The following TNC variants were observed in gnomAD, a reference collection of about 807,000 sequenced individuals.
TNC encodes tenascin.
In TNC, 109 loss-of-function variants were observed where a neutral mutation model predicts 202.4. The observed-to-expected ratio is 0.54, with a 90% CI of 0.46 to 0.63. The LOEUF (loss-of-function observed/expected upper bound fraction) is 0.63. Among genes scored for constraint, TNC ranks in the 30% least tolerant of loss-of-function variants. TNC has a pLI of 0.00. For synonymous variants in TNC, 1,007 were observed against 1,089.7 expected, an observed-to-expected ratio of 0.92 and a Z score of 1.50; for missense variants, 2,756 against 2,833.3, an observed-to-expected ratio of 0.97 and a Z score of 0.62.
chr9:115,036,156 T>G lies in TNC; in HGVS notation c.5598A>C (p.Arg1866Ser), dbSNP rs1238346407. ...TCTGGGGCCCTTTCTCTGCAAAGAT[T>G]CTCAGTGTGTATTCCGTGGCAGGCT... is the stretch of plus-strand genomic sequence containing the variant. Reference protein sequence around the residue: ...DLEPATEYTLRIFAEKGPQKS... With the variant: ...DLEPATEYTLSIFAEKGPQKS... The change falls in exon 21 of 28, where the codon AGA becomes AGC. Residue 1866 changes from arginine (R) to serine (S), a missense_variant. Arg to Ser is a moderately radical substitution (Grantham distance 110). This residue lies in a region of TNC where 2,559 missense variants were observed against 2,546.0 expected (regional missense o/e 1.01). Coordinates refer to ENST00000350763, the MANE Select transcript of TNC (RefSeq NM_002160.4). The G allele has an allele frequency of 6.2e-7, 1 of 1,614,172 alleles. No homozygotes were observed. Among genetic ancestry groups the G allele is most frequent in the Non-Finnish European group, 8.5e-7 (1 of 1,180,010 alleles).
At chr9:115,067,886 GA>G (rs1225416328) in intron 10 of TNC, among the ~76,000 whole-genome samples, 2 of 151,456 alleles carry the variant, frequency 1.3e-5, no homozygotes, top group African/African-American at 2.4e-5. Flanking sequence ...TTATAACTCA[GA>G]GAGGCAGTAC....
At chr9:115,099,748 A>T (rs1459108896) in intron 1 of TNC, among the ~76,000 whole-genome samples, 1 of 152,214 alleles carries the variant, frequency 6.6e-6, no homozygotes, top group Admixed American at 6.5e-5. Flanking sequence ...GTATTATATG[A>T]TTATTCTGTC....
chr9:115,100,744 C>T (rs1390430672), intron 1 of TNC, among the ~76,000 whole-genome samples: 1 of 152,064 alleles, frequency 6.6e-6, no homozygotes, highest in Non-Finnish European at 1.5e-5. Flanking sequence ...ATCATTGACA[C>T]ACAGAGGTAA....
chr9:115,082,816 A>T lies in TNC; in HGVS notation c.2132-9T>A. 2 of 1,592,228 alleles carry T rather than the reference A, an allele frequency of 1.3e-6. No homozygotes were observed. Among genetic ancestry groups the T allele is most frequent in the Non-Finnish European group, 1.7e-6 (2 of 1,160,092 alleles). ...TTCAGGTGCAGGTAAGTCTGTAAGT[A>T]ACAACATAAATAGAACGTAAGGATA... On this transcript the variant is annotated splice_polypyrimidine_tract_variant and intron_variant, in intron 4 of 27. Transcript: ENST00000350763.
At chr9:115,111,642 C>T (rs1360871071) in intron 1 of TNC, among the ~76,000 whole-genome samples, 6 of 151,910 alleles carry the variant, frequency 3.9e-5, no homozygotes, top group Non-Finnish European at 5.9e-5. Flanking sequence ...AACTCCTAAC[C>T]TCAAGTGATC....
Position 115,036,144 on chromosome 9 carries a change from C to T in TNC, c.5610G>A (p.Glu1870=). The change falls in exon 21 of 28, where the codon GAG becomes GAA. Residue 1870 remains glutamate, a synonymous_variant. Transcript: ENST00000350763. ...TGGTTGAGCTCTTCTGGGGCCCTTT[C>T]TCTGCAAAGATTCTCAGTGTGTATT... The part of the protein sequence containing the change: ...ATEYTLRIFA[E]KGPQKSSTIT... 1 of 1,614,172 alleles carries T rather than the reference C, an allele frequency of 6.2e-7. No individual in the cohort carries two copies. Among genetic ancestry groups the T allele is most frequent in the Non-Finnish European group, 8.5e-7 (1 of 1,180,022 alleles).
chr9:115,029,314 G>A, intron 25 of TNC, 46 bp downstream of exon 25: 10 of 1,567,148 alleles, frequency 6.4e-6, no homozygotes, highest in Non-Finnish European at 7.0e-6. Flanking sequence ...GTGACAAGGA[G>A]GGCAGAATCA....
rs1469089375 is a variant in TNC, at chr9:115,086,830, A to T, written c.901T>A (p.Cys301Ser). 1 of 1,614,168 alleles carries T rather than the reference A, an allele frequency of 6.2e-7. No individual in the cohort carries two copies. Among genetic ancestry groups the T allele is most frequent in the Admixed American group, 1.7e-5 (1 of 60,022 alleles). Reference sequence around the variant, plus strand: ...TCTTCGCCCGTGAAACCCTCATCACACACGCACTCATTCTCCACGCATCGT... The same window carrying T: ...TCTTCGCCCGTGAAACCCTCATCACTCACGCACTCATTCTCCACGCATCGT... ...RGRCVENECVCDEGFTGEDCS... is the reference protein window; with the variant it reads ...RGRCVENECVSDEGFTGEDCS... The change falls in exon 3 of 28, where the codon TGT becomes AGT. Residue 301 changes from cysteine to serine, a missense_variant. Coordinates refer to ENST00000350763, the MANE Select transcript of TNC (RefSeq NM_002160.4).
At chr9:115,101,531 A>G (rs1836235391) in intron 1 of TNC, among the ~76,000 whole-genome samples, 1 of 152,170 alleles carries the variant, frequency 6.6e-6, no homozygotes, top group African/African-American at 2.4e-5. Context: ...TTTTAACTCC[A>G]TGTACAGTTG....
At chr9:115,079,967 G>A (rs1000087667) in intron 6 of TNC, among the ~76,000 whole-genome samples, 8 of 152,230 alleles carry the variant, frequency 5.3e-5, no homozygotes, top group Admixed American at 4.6e-4. Context: ...TCAGGTATAT[G>A]TGGTAAATTG....
chr9:115,081,342 A>G (rs1834288138), intron 6 of TNC, among the ~76,000 whole-genome samples: 1 of 152,206 alleles, frequency 6.6e-6, no homozygotes, highest in African/African-American at 2.4e-5. Flanking sequence ...TCCTTTCATC[A>G]AGAGATGGAT....
intron 15 of TNC, among the ~76,000 whole-genome samples, chr9:115,049,858 A>T (rs1177729979): frequency 1.3e-5 from 2 of 152,166 alleles, no homozygotes; most frequent in Non-Finnish European, 2.9e-5. Flanking sequence ...TTTTAAAAAG[A>T]AGTGTTTGGT....
chr9:115,024,966 G>C (rs574914205), intron 26 of TNC, among the ~76,000 whole-genome samples: 3 of 152,264 alleles, frequency 2.0e-5, no homozygotes, highest in African/African-American at 7.2e-5. Flanking sequence ...GTTGTCAAAG[G>C]AACCCAGATA....
intron 1 of TNC, among the ~76,000 whole-genome samples, chr9:115,092,729 A>T (rs1588184450): frequency 6.8e-6 from 1 of 147,552 alleles, no homozygotes; most frequent in Non-Finnish European, 1.5e-5. Context: ...GCACACTGCC[A>T]TGCCTGGCTG....
chr9:115,052,079 CATATAT>C lies in TNC; in HGVS notation c.4580-3553_4580-3548del, dbSNP rs3035495. On this transcript the variant is annotated intron_variant, in intron 15 of 27. Transcript: ENST00000350763. ...TACATTCCATATGTGTGTATATATA[CATATAT>C]ATATATATACACATATATATATAAT... Among the ~76,000 whole-genome samples the C allele has an allele frequency of 7.9e-4, 116 of 146,856 alleles. 2 individuals are homozygous for C. Among genetic ancestry groups the C allele is most frequent in the Non-Finnish European group, 3.7e-4 (25 of 66,870 alleles).
intron 16 of TNC, among the ~76,000 whole-genome samples, chr9:115,047,070 C>A (rs910693424): frequency 6.6e-6 from 1 of 152,040 alleles, no homozygotes; most frequent in South Asian, 2.1e-4. Flanking sequence ...AGACCTTTTT[C>A]TTTTCTTTTT....
chr9:115,106,615 C>G (rs961863649), intron 1 of TNC, among the ~76,000 whole-genome samples: 1 of 152,164 alleles, frequency 6.6e-6, no homozygotes, highest in Non-Finnish European at 1.5e-5. Flanking sequence ...GGAGAAAAGC[C>G]TGCTCTCCTT....
intron 1 of TNC, among the ~76,000 whole-genome samples, chr9:115,097,161 T>A (rs1200362996): frequency 1.3e-5 from 2 of 152,092 alleles, no homozygotes; most frequent in East Asian, 3.9e-4. Context: ...TAAACCTGTG[T>A]TCGAATCCAG....
chr9:115,030,783 G>A (rs188619926), intron 23 of TNC, among the ~76,000 whole-genome samples: 25 of 152,314 alleles, frequency 1.6e-4, no homozygotes, highest in Non-Finnish European at 2.4e-4. Context: ...TGACTGTCCC[G>A]TGAATTTTCA....
Sources: gnomAD v4.1 joint callset for allele counts (sites outside exome capture counted in the v4.1 genomes callset) on GRCh38, gnomAD v4.1.1 for gene constraint, gnomAD v4.1.1 regional missense constraint, MANE v1.5 for transcripts, NCBI Gene and HGNC (gene_info 2026-07-23, HGNC 2026-07-21) for gene names.